The following IGF2R variants were observed in gnomAD, a reference collection of about 807,000 sequenced individuals.
The protein encoded by IGF2R is cation-independent mannose-6-phosphate receptor.
Under a neutral mutation model 270.6 loss-of-function variants are expected in IGF2R, and 91 were observed. The ratio of observed to expected loss-of-function variants is 0.34; its 90% CI spans 0.28 to 0.40. The LOEUF (loss-of-function observed/expected upper bound fraction) is 0.40. IGF2R is among the 10% of genes least tolerant of loss of function. The pLI is 1.00. For missense variants in IGF2R, 2,805 were observed against 3,188.3 expected, an observed-to-expected ratio of 0.88 and a Z score of 2.90; for synonymous variants, 1,316 against 1,258.9, an observed-to-expected ratio of 1.05 and a Z score of -0.96.
chr6:159,977,315 G>T (rs561522475), intron 1 of IGF2R, among the ~76,000 whole-genome samples: 1 of 152,224 alleles, frequency 6.6e-6, no homozygotes, highest in Non-Finnish European at 1.5e-5. Flanking sequence ...TCTGCAGTGG[G>T]TCTCCACCCG....
intron 1 of IGF2R, among the ~76,000 whole-genome samples, chr6:159,988,209 G>A (rs1171173847): frequency 1.3e-5 from 2 of 152,026 alleles, no homozygotes; most frequent in African/African-American, 4.8e-5. Context: ...AAGAATGGTG[G>A]ATTTCTTTTA....
intron 39 of IGF2R, among the ~76,000 whole-genome samples, chr6:160,083,534 C>T (rs1001178966): frequency 2.6e-5 from 4 of 152,226 alleles, no homozygotes; most frequent in South Asian, 4.1e-4. Flanking sequence ...TCTCATCCCA[C>T]GAGGCCATAT....
At chr6:160,012,093 A>G (rs1784343341) in intron 4 of IGF2R, among the ~76,000 whole-genome samples, 1 of 152,150 alleles carries the variant, frequency 6.6e-6, no homozygotes, top group South Asian at 2.1e-4. Context: ...TGTCATATGG[A>G]AGTGGAAGTG....
At position 160,105,097 on chromosome 6, in the gene IGF2R, T is replaced by C. The variant is rs374946988; in HGVS notation, c.*13T>C. 2.6e-6 allele frequency: 4 copies of C among 1,534,598 alleles called. No individual in the cohort carries two copies. The highest frequency in any genetic ancestry group is 4.7e-5 in the East Asian group (2 of 42,968). On this transcript the variant is annotated 3_prime_UTR_variant, in exon 48 of 48. Transcript: ENST00000356956. The stretch of plus-strand genomic sequence containing the variant: ...CTTACACATCTGACTCCGCAGTGCC[T>C]GCAGGGGAGCACGGAGCCGCGGGAC...
chr6:159,974,194 C>G (rs1783654084), intron 1 of IGF2R, among the ~76,000 whole-genome samples: 1 of 152,158 alleles, frequency 6.6e-6, no homozygotes, highest in Non-Finnish European at 1.5e-5. Flanking sequence ...GTAATGGTAT[C>G]TCAGTGTGGT....
At chr6:160,059,287 C>G (rs1158338817) in intron 22 of IGF2R, among the ~76,000 whole-genome samples, 189 bp downstream of exon 22, 1 of 151,482 alleles carries the variant, frequency 6.6e-6, no homozygotes, top group African/African-American at 2.4e-5. Flanking sequence ...GTCCCGTTAT[C>G]CGTGGCTTCA....
At chr6:160,022,979 A>G (rs9457812) in intron 4 of IGF2R, among the ~76,000 whole-genome samples, 19,660 of 152,044 alleles carry the variant, frequency 0.13, 1,348 homozygotes, top group South Asian at 0.25. Flanking sequence ...GGAGAGTGGT[A>G]GGTTAGGGCG....
intron 3 of IGF2R, 32 bp downstream of exon 3, chr6:160,009,166 T>TA (rs1293588690): frequency 1.3e-5 from 20 of 1,576,252 alleles, no homozygotes; most frequent in East Asian, 9.1e-5. Context: ...ATGTATTTCT[T>TA]TAAAAAAAAA....
At chr6:159,975,135 C>A (rs944854062) in intron 1 of IGF2R, among the ~76,000 whole-genome samples, 1 of 152,178 alleles carries the variant, frequency 6.6e-6, no homozygotes, top group Non-Finnish European at 1.5e-5. Flanking sequence ...CTCCCCACCC[C>A]ACACCAGTCA....
At chr6:160,098,391 A>G (rs1779411726) in intron 45 of IGF2R, among the ~76,000 whole-genome samples, 1 of 152,178 alleles carries the variant, frequency 6.6e-6, no homozygotes, top group South Asian at 2.1e-4. Flanking sequence ...TAAAAAAAAG[A>G]AACAGAAGTT....
Position 160,046,662 on chromosome 6 carries a change from TTC to T in IGF2R, c.2051+19_2051+20del, listed in dbSNP as rs1778075937. The T allele has an allele frequency of 6.2e-7, 1 of 1,607,804 alleles. No homozygotes were observed. On this transcript the variant is annotated intron_variant, in intron 15 of 47. Transcript: ENST00000356956. ...GGCAAAAAGGCAAGTAGCTTCTCAGTTCTGTTTCATTCTTAGGCATTATATGC... is the reference window on the plus strand; with the variant it reads ...GGCAAAAAGGCAAGTAGCTTCTCAGTTGTTTCATTCTTAGGCATTATATGC...
At chr6:160,070,805 G>T (rs1778702658) in intron 31 of IGF2R, among the ~76,000 whole-genome samples, 1 of 152,152 alleles carries the variant, frequency 6.6e-6, no homozygotes, top group South Asian at 2.1e-4. Context: ...GGCAGCAGTG[G>T]TAGGGGAGCT....
chr6:160,015,625 A>G (rs146320002), intron 4 of IGF2R, among the ~76,000 whole-genome samples: 1 of 152,308 alleles, frequency 6.6e-6, no homozygotes, highest in African/African-American at 2.4e-5. Flanking sequence ...CCTCAGAGCC[A>G]TGGTTTCTGT....
chr6:160,020,649 C>A (rs937346304), intron 4 of IGF2R, among the ~76,000 whole-genome samples: 9 of 152,192 alleles, frequency 5.9e-5, no homozygotes, highest in Non-Finnish European at 7.3e-5. Flanking sequence ...TGCATACTTA[C>A]AACCAACTGA....
intron 2 of IGF2R, chr6:160,003,908 C>T (rs887723669): frequency 6.8e-6 from 1 of 146,674 alleles, no homozygotes; most frequent in African/African-American, 2.5e-5. Context: ...GAGAATGTGA[C>T]ACGTAAGTAA....
At chr6:159,995,494 T>C (rs1273276730) in intron 2 of IGF2R, among the ~76,000 whole-genome samples, 1 of 152,162 alleles carries the variant, frequency 6.6e-6, no homozygotes. Context: ...AACTAGTTGC[T>C]TTTTAGTGTC....
At chr6:160,054,352 C>T (rs1778262277) in intron 19 of IGF2R, among the ~76,000 whole-genome samples, 1 of 152,012 alleles carries the variant, frequency 6.6e-6, no homozygotes, top group Admixed American at 6.5e-5. Flanking sequence ...ACAGTTGGGC[C>T]CTGTATGTCG....
In IGF2R at chr6:160,047,815, C is replaced by T; in HGVS notation, c.2253C>T (p.Asn751=). ...EYQEEDNSTY[N]FRWYTSYACP... ...AGGAAGAGGATAACTCCACCTACAA[C>T]TTCCGGTGGTACACCAGCTATGCCT... Residue 751 remains asparagine (N), a synonymous_variant, in exon 17 of 48, where the codon AAC becomes AAT. Coordinates refer to ENST00000356956, the MANE Select transcript of IGF2R (RefSeq NM_000876.4). 1 of 1,613,668 alleles carries T rather than the reference C, an allele frequency of 6.2e-7. No homozygotes were observed. Among genetic ancestry groups the T allele is most frequent in the Non-Finnish European group, 8.5e-7 (1 of 1,179,490 alleles).
chr6:160,012,765 T>TA (rs1562343074), intron 4 of IGF2R, among the ~76,000 whole-genome samples: 1,348 of 76,486 alleles, frequency 0.018, 32 homozygotes, highest in African/African-American at 0.04. Context: ...ATATATATAT[T>TA]TTTTTTTTTT....
Sources: gnomAD v4.1 joint callset for allele counts (sites outside exome capture counted in the v4.1 genomes callset) on GRCh38, gnomAD v4.1.1 for gene constraint, MANE v1.5 for transcripts, NCBI Gene and HGNC (gene_info 2026-07-23, HGNC 2026-07-21) for gene names.